Variants in MIGA1 observed in about 807,000 individuals in gnomAD.
MIGA1 encodes mitoguardin 1.
Under a neutral mutation model 82.0 loss-of-function variants are expected in MIGA1, and 58 were observed. That is an observed-to-expected ratio of 0.71 (90% CI 0.57 to 0.88). The LOEUF is 0.88. Ranked by LOEUF, MIGA1 falls within the 40% of genes least tolerant of loss-of-function variation. MIGA1 has a pLI of 0.00. For missense variants in MIGA1, 751 were observed against 749.1 expected (o/e 1.00, Z -0.03); for synonymous variants, 249 against 253.6 (o/e 0.98, Z 0.17).
intron 7 of MIGA1, among the ~76,000 whole-genome samples, chr1:77,824,457 C>T (rs775936806): frequency 2.6e-5 from 4 of 152,136 alleles, no homozygotes; most frequent in Non-Finnish European, 5.9e-5. Context: ...AGTCAGGAGG[C>T]TGAGGCAGGA....
At chr1:77,824,983 CT>C (rs11375207) in intron 7 of MIGA1, among the ~76,000 whole-genome samples, 257 of 103,142 alleles carry the variant, frequency 2.5e-3, no homozygotes, top group Middle Eastern at 0.011. Context: ...TTCTATTCCT[CT>C]TTTTTTTTTT....
intron 7 of MIGA1, among the ~76,000 whole-genome samples, chr1:77,828,346 G>A (rs188619354): frequency 1.3e-5 from 2 of 152,194 alleles, no homozygotes; most frequent in East Asian, 3.9e-4. Flanking sequence ...TTTGGGGTTG[G>A]GACATGAAGC....
intron 2 of MIGA1, among the ~76,000 whole-genome samples, chr1:77,793,569 C>T (rs888247432): frequency 6.6e-6 from 1 of 151,908 alleles, no homozygotes; most frequent in Non-Finnish European, 1.5e-5. Flanking sequence ...AAGTGATTCT[C>T]ATGCCTCAGC....
At chr1:77,873,493 A>AT (rs1271487058) in intron 15 of MIGA1, among the ~76,000 whole-genome samples, 1 of 152,232 alleles carries the variant, frequency 6.6e-6, no homozygotes, top group African/African-American at 2.4e-5. Context: ...TACAAACAAT[A>AT]TCCACCTTTA....
chr1:77,790,553 A>C (rs144372982), intron 2 of MIGA1, among the ~76,000 whole-genome samples: 1 of 149,980 alleles, frequency 6.7e-6, no homozygotes, highest in African/African-American at 2.5e-5. Context: ...GGCATGAACC[A>C]CTGCGCCCGG....
intron 8 of MIGA1, chr1:77,847,208 A>G (rs1324617079): frequency 5.0e-6 from 6 of 1,195,134 alleles, no homozygotes; most frequent in Non-Finnish European, 7.5e-6. Context: ...AATGATTCTG[A>G]TGATGATGAT....
At chr1:77,871,594 T>A (rs2101983146) in intron 14 of MIGA1, among the ~76,000 whole-genome samples, 1 of 152,202 alleles carries the variant, frequency 6.6e-6, no homozygotes, top group Middle Eastern at 3.4e-3. Context: ...AGACAGAATC[T>A]TAAGGTGTAG....
At chr1:77,832,381 T>G (rs1221521359) in intron 7 of MIGA1, among the ~76,000 whole-genome samples, 1 of 152,258 alleles carries the variant, frequency 6.6e-6, no homozygotes, top group Non-Finnish European at 1.5e-5. Flanking sequence ...GATGAAGATT[T>G]CATCTCTGCC....
At chr1:77,830,457 G>A (rs1401284423) in intron 7 of MIGA1, among the ~76,000 whole-genome samples, 1 of 152,138 alleles carries the variant, frequency 6.6e-6, no homozygotes, top group Non-Finnish European at 1.5e-5. Flanking sequence ...CTTATTAGTT[G>A]TAATACCAGT....
At chr1:77,824,121 A>G (rs1042037846) in intron 7 of MIGA1, among the ~76,000 whole-genome samples, 4 of 152,390 alleles carry the variant, frequency 2.6e-5, no homozygotes, top group Middle Eastern at 3.4e-3. Context: ...CATGCTGGAA[A>G]TATTAGAACT....
chr1:77,877,695 ATAT>A lies in MIGA1; in HGVS notation c.*2636_*2638del, dbSNP rs1433190758. Reference sequence around the variant, plus strand: ...AGTAAATGTAATTTATTTTAGAAAGATATTATTTGAAATCAATTTTGAAGAATT... The same window carrying A: ...AGTAAATGTAATTTATTTTAGAAAGATATTTGAAATCAATTTTGAAGAATT... On this transcript the variant is annotated 3_prime_UTR_variant, in exon 16 of 16. Transcript: ENST00000370791. 1 of 152,642 alleles carries A rather than the reference ATAT, an allele frequency of 6.6e-6. No homozygotes were observed. Among genetic ancestry groups the A allele is most frequent in the Admixed American group, 6.5e-5 (1 of 15,280 alleles). 9.5% of individuals were successfully genotyped at this position (152,642 alleles called of 1,614,324 possible). A position where few individuals can be genotyped will look rare whatever the true frequency, so the allele number is the denominator to read the frequency against.
chr1:77,814,835 G>C (rs1201063354), intron 6 of MIGA1, among the ~76,000 whole-genome samples: 3 of 152,062 alleles, frequency 2.0e-5, no homozygotes, highest in Non-Finnish European at 4.4e-5. Flanking sequence ...TGAAGCTGCT[G>C]GCTCAAGGAC....
At chr1:77,796,663 CA>C (rs1682670867) in intron 2 of MIGA1, among the ~76,000 whole-genome samples, 1 of 152,220 alleles carries the variant, frequency 6.6e-6, no homozygotes, top group Admixed American at 6.5e-5. Context: ...TGTAGTCTTA[CA>C]ATATCCAGGC....
Position 77,873,130 on chromosome 1 carries a change from G to A in MIGA1, c.1680+10G>A. 6.2e-7 allele frequency: 1 copy of A among 1,603,228 alleles called. No individual in the cohort carries two copies. Among genetic ancestry groups the A allele is most frequent in the Non-Finnish European group, 8.5e-7 (1 of 1,175,416 alleles). On this transcript the variant is annotated intron_variant, in intron 15 of 15. Coordinates refer to ENST00000370791, the MANE Select transcript of MIGA1 (RefSeq NM_198549.4). ...ATGTTGCTTTTTTAAGGTATGTTCA[G>A]TCATTGAATCATTTCTCTTTTTTTT...
intron 5 of MIGA1, chr1:77,811,485 C>G: frequency 1.3e-6 from 2 of 1,547,904 alleles, no homozygotes; most frequent in Non-Finnish European, 1.8e-6. Context: ...TAAGAATATT[C>G]TTTAGGATTG....
In MIGA1 at chr1:77,858,942, C is replaced by G; in HGVS notation, c.1001C>G (p.Ala334Gly). Residue 334 changes from alanine (A) to glycine (G), a missense_variant, in exon 9 of 16, where the codon GCA (alanine) becomes GGA (glycine). Around this residue, in one of 3 missense-constraint regions of MIGA1, gnomAD observed 482 missense variants for 439.4 expected, o/e 1.10. Transcript: ENST00000370791. ...TCTAACCCACCGTGCTCTTAGCTTG[C>G]AGAACACAGAGAAGTACGGCATACC... is the stretch of plus-strand genomic sequence containing the variant. 1.3e-6 allele frequency: 2 copies of G among 1,599,020 alleles called. No homozygotes were observed. The highest frequency in any genetic ancestry group is 8.6e-7 in the Non-Finnish European group (1 of 1,166,480).
chr1:77,809,203 G>A (rs756542551), intron 5 of MIGA1, among the ~76,000 whole-genome samples: 2 of 152,078 alleles, frequency 1.3e-5, no homozygotes, highest in Admixed American at 6.6e-5. Flanking sequence ...CCACAGGGGG[G>A]TCTTTGTGTT....
At chr1:77,857,716 C>T (rs1685314306) in intron 8 of MIGA1, among the ~76,000 whole-genome samples, 2 of 139,038 alleles carry the variant, frequency 1.4e-5, no homozygotes, top group African/African-American at 2.8e-5. Flanking sequence ...TAGAAGTTTT[C>T]TGGGTTGTTG....
intron 4 of MIGA1, among the ~76,000 whole-genome samples, chr1:77,805,461 C>CT (rs11408292): frequency 0.9 from 99,524 of 110,580 alleles, 44,826 homozygotes; most frequent in South Asian, 0.93. Flanking sequence ...TATGCCTATT[C>CT]TTTTTTTTTT....
Sources: allele counts gnomAD v4.1 joint callset (sites outside exome capture counted in the v4.1 genomes callset), GRCh38; gene constraint gnomAD v4.1.1; regional missense constraint gnomAD v4.1.1; transcripts MANE v1.5; gene names NCBI Gene and HGNC (gene_info 2026-07-23, HGNC 2026-07-21).